The following KCNH7 variants were observed in gnomAD, a reference collection of about 807,000 sequenced individuals.
KCNH7 encodes the protein potassium voltage-gated channel subfamily H member 7, also known as voltage-gated inwardly rectifying potassium channel KCNH7.
KCNH7 carries 49 observed loss-of-function variants against 120.8 expected under a neutral mutation model. That is an observed-to-expected ratio of 0.41 (90% CI 0.32 to 0.51). The LOEUF is 0.51. Among genes scored for constraint, KCNH7 ranks in the 20% least tolerant of loss-of-function variants. KCNH7 has a pLI of 0.38. For missense variants in KCNH7, 1,097 were observed against 1,446.6 expected (o/e 0.76, Z 3.92); for synonymous variants, 547 against 516.1 (o/e 1.06, Z -0.81).
At chr2:162,759,411 T>C (rs1230753102) in intron 2 of KCNH7, among the ~76,000 whole-genome samples, 1 of 152,022 alleles carries the variant, frequency 6.6e-6, no homozygotes, top group Non-Finnish European at 1.5e-5. Flanking sequence ...AGCAGAAAGG[T>C]CATCTTTCAA....
intron 2 of KCNH7, among the ~76,000 whole-genome samples, chr2:162,753,023 G>GAA (rs796396298): frequency 8.3e-5 from 12 of 144,536 alleles, no homozygotes; most frequent in African/African-American, 2.6e-4. Flanking sequence ...GAAAAGAAAA[G>GAA]AAAAGAAACC....
intron 2 of KCNH7, among the ~76,000 whole-genome samples, chr2:162,810,422 A>G (rs931547343): frequency 6.6e-6 from 1 of 152,232 alleles, no homozygotes; most frequent in African/African-American, 2.4e-5. Context: ...AAATTCCGTC[A>G]GGAATTTGGC....
Position 162,416,654 on chromosome 2 carries a change from T to G in KCNH7, c.2154+6682A>C, listed in dbSNP as rs186508277. Reference sequence around the variant, plus strand: ...GTGTGGGTTGCACAGCATACTGATCTAAGAAGATTAACAGAAGAGAGGGAA... The same window carrying G: ...GTGTGGGTTGCACAGCATACTGATCGAAGAAGATTAACAGAAGAGAGGGAA... On this transcript the variant is annotated intron_variant, in intron 9 of 15. Transcript: ENST00000332142. Among the ~76,000 whole-genome samples the G allele has an allele frequency of 2.6e-3, 392 of 152,212 alleles. 1 individual carries two copies. Among genetic ancestry groups the G allele is most frequent in the South Asian group, 4.6e-3 (22 of 4,828 alleles).
chr2:162,724,528 C>T (rs1004571042), intron 2 of KCNH7, among the ~76,000 whole-genome samples: 5 of 150,788 alleles, frequency 3.3e-5, no homozygotes, highest in South Asian at 2.1e-4. Context: ...AAAAATTAGC[C>T]GGGCGTAGTG....
chr2:162,396,808 G>A lies in KCNH7; in HGVS notation c.2545C>T (p.Pro849Ser), dbSNP rs781741726. ...EDLLEVLDMY[P>S]EFSDHFLTNL... ...GTTAGAAAGTGATCAGAAAACTCAGGATACATATCCAAAACCTCTAACAAG... is the reference window on the plus strand; with the variant it reads ...GTTAGAAAGTGATCAGAAAACTCAGAATACATATCCAAAACCTCTAACAAG... The change falls in exon 11 of 16, where the codon CCT becomes TCT. Residue 849 changes from proline (P) to serine (S), a missense_variant. Around this residue, in one of 8 missense-constraint regions of KCNH7, gnomAD observed 406 missense variants for 410.5 expected, o/e 0.99. Transcript: ENST00000332142. 1 of 1,611,806 alleles carries A rather than the reference G, an allele frequency of 6.2e-7. No homozygotes were observed. Among genetic ancestry groups the A allele is most frequent in the Non-Finnish European group, 8.5e-7 (1 of 1,178,732 alleles).
At position 162,446,145 on chromosome 2, in the gene KCNH7, T is replaced by G; in HGVS notation, c.1427A>C (p.Asn476Thr). The stretch of plus-strand genomic sequence containing the variant: ...ATCACTTACCACTTCTTCATTCTGA[T>G]TTACATATGTTGTTCTGAAGTTTAT... ...ILINFRTTYV[N>T]QNEEVVSDPA... The change falls in exon 7 of 16, where the codon AAT becomes ACT. Residue 476 changes from asparagine (N) to threonine (T), a missense_variant. Physicochemically the swap from Asn to Thr is moderately conservative, Grantham distance 65. Transcript: ENST00000332142. The G allele has an allele frequency of 6.2e-7, 1 of 1,613,776 alleles. No homozygotes were observed. Among genetic ancestry groups the G allele is most frequent in the Non-Finnish European group, 8.5e-7 (1 of 1,179,760 alleles).
intron 2 of KCNH7, among the ~76,000 whole-genome samples, chr2:162,656,457 T>C (rs563784293): frequency 1.3e-5 from 2 of 152,326 alleles, no homozygotes; most frequent in African/African-American, 4.8e-5. Context: ...TTCTTATCCA[T>C]CATTTTTTGT....
At chr2:162,596,133 C>A (rs1694371043) in intron 2 of KCNH7, among the ~76,000 whole-genome samples, 1 of 151,944 alleles carries the variant, frequency 6.6e-6, no homozygotes, top group Non-Finnish European at 1.5e-5. Context: ...CCATCTTATC[C>A]AAACGGATCT....
At chr2:162,741,502 A>G (rs952665298) in intron 2 of KCNH7, among the ~76,000 whole-genome samples, 4 of 151,964 alleles carry the variant, frequency 2.6e-5, no homozygotes, top group African/African-American at 9.7e-5. Flanking sequence ...GTTACATGCT[A>G]TGTGCTACAT....
chr2:162,639,115 C>T (rs529274961), intron 2 of KCNH7, among the ~76,000 whole-genome samples: 42 of 152,152 alleles, frequency 2.8e-4, no homozygotes, highest in African/African-American at 1.0e-3. Context: ...AACAAACATC[C>T]CTTGGTGTTG....
intron 2 of KCNH7, among the ~76,000 whole-genome samples, chr2:162,566,060 T>C (rs1271591029): frequency 6.6e-6 from 1 of 152,042 alleles, no homozygotes; most frequent in East Asian, 1.9e-4. Flanking sequence ...CTGGGAACCA[T>C]GACCTGCCAC....
At chr2:162,471,896 A>C (rs975751950) in intron 6 of KCNH7, among the ~76,000 whole-genome samples, 1 of 152,200 alleles carries the variant, frequency 6.6e-6, no homozygotes, top group African/African-American at 2.4e-5. Context: ...AGAGATATAG[A>C]CCAATGGAAC....
intron 2 of KCNH7, among the ~76,000 whole-genome samples, chr2:162,724,499 C>T (rs1360732561): frequency 1.3e-5 from 2 of 151,092 alleles, no homozygotes; most frequent in South Asian, 2.1e-4. Context: ...GGTGAAACCC[C>T]GTCTCTACTA....
In KCNH7 at chr2:162,468,617, C is replaced by A. The variant is rs560096707; in HGVS notation, c.1129-22174G>T. On this transcript the variant is annotated intron_variant, in intron 6 of 15. Coordinates refer to ENST00000332142, the MANE Select transcript of KCNH7 (RefSeq NM_033272.4). ...CTCACTGCAACCTCCGCCTCCCAGGCTCAAGCGATTCTCCTGCCTCAGCCT... is the reference window on the plus strand; with the variant it reads ...CTCACTGCAACCTCCGCCTCCCAGGATCAAGCGATTCTCCTGCCTCAGCCT... Among the ~76,000 whole-genome samples the A allele has an allele frequency of 2.2e-3, 321 of 147,412 alleles. 2 individuals are homozygous for A. Among genetic ancestry groups the A allele is most frequent in the Non-Finnish European group, 3.6e-3 (243 of 67,466 alleles).
chr2:162,553,541 C>T (rs1213493753), intron 2 of KCNH7, among the ~76,000 whole-genome samples: 2 of 151,838 alleles, frequency 1.3e-5, no homozygotes, highest in Non-Finnish European at 2.9e-5. Flanking sequence ...CCCAGCTACT[C>T]GGGAGGCTGA....
In KCNH7 at chr2:162,575,873, G is replaced by A. The variant is rs116690838; in HGVS notation, c.308-38793C>T. Among the ~76,000 whole-genome samples the A allele has an allele frequency of 1.4e-3, 206 of 152,058 alleles. 1 individual carries two copies. Among genetic ancestry groups the A allele is most frequent in the African/African-American group, 4.7e-3 (196 of 41,504 alleles). On this transcript the variant is annotated intron_variant, in intron 2 of 15. Coordinates refer to ENST00000332142, the MANE Select transcript of KCNH7 (RefSeq NM_033272.4). ...CAGAGACATTTTGCAATTTAATTTCGCAGTTTGCCATGTAGCTGTAAAATT... is the reference window on the plus strand; with the variant it reads ...CAGAGACATTTTGCAATTTAATTTCACAGTTTGCCATGTAGCTGTAAAATT...
At chr2:162,837,826 G>T (rs12467203) in intron 1 of KCNH7, among the ~76,000 whole-genome samples, 10,823 of 152,116 alleles carry the variant, frequency 0.071, 417 homozygotes, top group South Asian at 0.11. Flanking sequence ...GATAATAAAA[G>T]AATAGAAATA....
intron 6 of KCNH7, among the ~76,000 whole-genome samples, chr2:162,458,954 C>A (rs1689062260): frequency 6.6e-6 from 1 of 150,636 alleles, no homozygotes; most frequent in South Asian, 2.1e-4. Context: ...CTGCAGTGAG[C>A]CAAGATTGCA....
intron 2 of KCNH7, among the ~76,000 whole-genome samples, chr2:162,581,890 A>C (rs1026668521): frequency 1.3e-5 from 2 of 152,074 alleles, no homozygotes; most frequent in African/African-American, 2.4e-5. Context: ...CACCCAAAGA[A>C]AGAAAAAGTA....
Sources: gnomAD v4.1 joint callset for allele counts (sites outside exome capture counted in the v4.1 genomes callset) on GRCh38, gnomAD v4.1.1 for gene constraint, gnomAD v4.1.1 regional missense constraint, MANE v1.5 for transcripts, NCBI Gene and HGNC (gene_info 2026-07-23, HGNC 2026-07-21) for gene names.